C10orf67: variants seen among roughly 807,000 people sequenced by gnomAD.
C10orf67 encodes the protein uncharacterized protein C10orf67, mitochondrial.
A neutral mutation model predicts 35.6 loss-of-function variants in C10orf67; 60 were observed. That is an observed-to-expected ratio of 1.68 (90% confidence interval 1.37 to 2.09). The LOEUF is 2.09. C10orf67 is among the 30% of genes most tolerant of loss of function. C10orf67 has a pLI of 0.00. For synonymous variants in C10orf67, 167 were observed against 115.8 expected (o/e 1.44, Z -2.84); for missense variants, 474 against 330.2 (o/e 1.44, Z -3.38).
rs528669197 is a variant in C10orf67 at position 23,294,171 on chromosome 10, C to T, written c.703-2892G>A. Among the ~76,000 whole-genome samples, 39 of 152,194 alleles carry T rather than the reference C, an allele frequency of 2.6e-4. No individual in the cohort carries two copies. The South Asian group carries it at 7.7e-3, about 30-fold the overall frequency. On this transcript the variant is annotated intron_variant, in intron 5 of 15. Transcript: ENST00000636213. Reference sequence around the variant, plus strand: ...CAATGAGTGACAACCAGGAAAGTGGCACTCTGGGCAGTGCAACCCTGCAGA... The same window carrying T: ...CAATGAGTGACAACCAGGAAAGTGGTACTCTGGGCAGTGCAACCCTGCAGA...
At chr10:23,244,515 T>C (rs1350202805) in intron 12 of C10orf67, among the ~76,000 whole-genome samples, 1 of 152,046 alleles carries the variant, frequency 6.6e-6, no homozygotes, top group Non-Finnish European at 1.5e-5. Context: ...AGTTACAGGA[T>C]ACAAAATAAA....
At chr10:23,214,418 T>C (rs1313238778) in intron 15 of C10orf67, among the ~76,000 whole-genome samples, 1 of 152,158 alleles carries the variant, frequency 6.6e-6, no homozygotes, top group Non-Finnish European at 1.5e-5. Context: ...GAGACAATCA[T>C]GATGGAATAA....
chr10:23,257,931 A>G (rs1842647008), intron 10 of C10orf67, among the ~76,000 whole-genome samples: 1 of 152,162 alleles, frequency 6.6e-6, no homozygotes, highest in East Asian at 1.9e-4. Context: ...ACATATATGT[A>G]TACACACATA....
At chr10:23,236,252 GGAA>G in intron 13 of C10orf67, among the ~76,000 whole-genome samples, 1 of 81,556 alleles carries the variant, frequency 1.2e-5, no homozygotes, top group Non-Finnish European at 2.0e-5. Context: ...CCCTCTCGGG[GGAA>G]AAAAAAAAAA....
At chr10:23,325,866 T>A (rs1375675531) in intron 2 of C10orf67, among the ~76,000 whole-genome samples, 1 of 151,972 alleles carries the variant, frequency 6.6e-6, no homozygotes, top group East Asian at 1.9e-4. Flanking sequence ...ACAGAAAATT[T>A]TGATAAAGAA....
chr10:23,327,574 C>T (rs987430902), intron 2 of C10orf67, among the ~76,000 whole-genome samples: 2 of 152,126 alleles, frequency 1.3e-5, no homozygotes, highest in African/African-American at 4.8e-5. Flanking sequence ...CACCTGTAAT[C>T]CCAGCACTTT....
At chr10:23,204,818 G>A (rs1245852549) in intron 15 of C10orf67, among the ~76,000 whole-genome samples, 5 of 152,190 alleles carry the variant, frequency 3.3e-5, no homozygotes, top group African/African-American at 7.2e-5. Flanking sequence ...CTGTGGGGAG[G>A]AACATTTACC....
At chr10:23,309,504 T>C (rs1367994962) in intron 4 of C10orf67, among the ~76,000 whole-genome samples, 1 of 152,214 alleles carries the variant, frequency 6.6e-6, no homozygotes, top group East Asian at 1.9e-4. Context: ...AATATACCCA[T>C]GTAACAAGCA....
intron 4 of C10orf67, among the ~76,000 whole-genome samples, chr10:23,315,815 T>C (rs1453645634): frequency 6.6e-6 from 1 of 152,040 alleles, no homozygotes; most frequent in Non-Finnish European, 1.5e-5. Context: ...ATAGATTAAA[T>C]GCATCTTTTT....
chr10:23,246,568 A>C (rs1320067447), intron 12 of C10orf67, among the ~76,000 whole-genome samples: 4 of 152,300 alleles, frequency 2.6e-5, no homozygotes, highest in East Asian at 1.9e-4. Flanking sequence ...ACATCACCAG[A>C]TCTTACAGAT....
intron 6 of C10orf67, among the ~76,000 whole-genome samples, chr10:23,290,628 G>C (rs1379004020): frequency 6.6e-6 from 1 of 152,204 alleles, no homozygotes; most frequent in African/African-American, 2.4e-5. Context: ...TGAAAGAAAA[G>C]AGGTATTAAG....
At chr10:23,208,856 G>T (rs1841229448) in intron 15 of C10orf67, among the ~76,000 whole-genome samples, 1 of 152,140 alleles carries the variant, frequency 6.6e-6, no homozygotes, top group African/African-American at 2.4e-5. Context: ...CTGCTCTCTT[G>T]CTGCTCTGGA....
intron 15 of C10orf67, among the ~76,000 whole-genome samples, chr10:23,211,485 G>A (rs1365248609): frequency 7.9e-6 from 1 of 126,924 alleles, no homozygotes; most frequent in Non-Finnish European, 1.6e-5. Flanking sequence ...GTGTGGGGGG[G>A]GGGGGTATCA....
intron 13 of C10orf67, among the ~76,000 whole-genome samples, chr10:23,224,338 G>A (rs1404354341): frequency 1.3e-5 from 2 of 152,072 alleles, no homozygotes; most frequent in African/African-American, 2.4e-5. Context: ...GAAGGAAAAC[G>A]AACAAACAGA....
rs184520380 is a variant in C10orf67, at chr10:23,223,203, A to T, written c.1570+395T>A. Among the ~76,000 whole-genome samples, 12 of 152,166 alleles carry T rather than the reference A, an allele frequency of 7.9e-5. No homozygotes were observed. The East Asian group carries it at 1.9e-3, about 25-fold the overall frequency. ...CAAGCAAATCCTCAATCTCCTGATT[A>T]GCCTGGACTACAGGTTCATGCCACC... On this transcript the variant is annotated intron_variant, in intron 15 of 15. Coordinates refer to ENST00000636213, the MANE Select transcript of C10orf67 (RefSeq NM_001371909.1).
At chr10:23,321,253 T>A (rs1335439604) in intron 3 of C10orf67, among the ~76,000 whole-genome samples, 1 of 152,260 alleles carries the variant, frequency 6.6e-6, no homozygotes, top group Non-Finnish European at 1.5e-5. Context: ...TTTGATTAGA[T>A]CTGTTTAGAT....
At chr10:23,227,993 C>G (rs957534155) in intron 13 of C10orf67, among the ~76,000 whole-genome samples, 5 of 152,234 alleles carry the variant, frequency 3.3e-5, no homozygotes, top group Non-Finnish European at 5.9e-5. Context: ...GAATCAATAT[C>G]GTGAAAATGG....
intron 4 of C10orf67, chr10:23,316,855 T>C (rs1844732341): frequency 6.6e-6 from 1 of 152,322 alleles, no homozygotes; most frequent in African/African-American, 2.4e-5. Context: ...AGGGTTTTTA[T>C]GGGCTTCAGA....
chr10:23,291,384 T>C (rs1389372795), intron 5 of C10orf67, 105 bp from the exon 6 acceptor site: 1 of 609,002 alleles, frequency 1.6e-6, no homozygotes, highest in Non-Finnish European at 2.9e-6. Flanking sequence ...ATTTTCTGAA[T>C]TCTATTACAC....
Sources: allele counts gnomAD v4.1 joint callset (sites outside exome capture counted in the v4.1 genomes callset), GRCh38; gene constraint gnomAD v4.1.1; transcripts MANE v1.5; gene names NCBI Gene and HGNC (gene_info 2026-07-23, HGNC 2026-07-21).